JAKMIP1: variants seen among roughly 807,000 people sequenced by gnomAD.
JAKMIP1 encodes janus kinase and microtubule-interacting protein 1.
JAKMIP1 carries 33 observed loss-of-function variants against 113.0 expected under a neutral mutation model. That is an observed-to-expected ratio of 0.29 (90% CI 0.22 to 0.39). JAKMIP1 has a LOEUF of 0.39. Ranked by LOEUF, JAKMIP1 falls within the 10% of genes least tolerant of loss-of-function variation. JAKMIP1 has a pLI of 1.00. For missense variants in JAKMIP1, 813 were observed against 1,080.5 expected (o/e 0.75, Z 3.47); for synonymous variants, 480 against 459.9 (o/e 1.04, Z -0.56).
At position 6,060,102 on chromosome 4, in the gene JAKMIP1, G is replaced by A. The variant is rs931683338; in HGVS notation, c.1644+322C>T. 3.9e-5 allele frequency among the ~76,000 whole-genome samples: 6 copies of A among 152,312 alleles called. No homozygotes were observed. The South Asian group carries it at 1.0e-3, about 26-fold the overall frequency. On this transcript the variant is annotated intron_variant, in intron 11 of 20. Transcript: ENST00000409021. ...ATTAAAATCTTGATAGAAAATGACA[G>A]CTCTTCTTCAGGTTCAAGTCAAAAA... is the stretch of plus-strand genomic sequence containing the variant.
At chr4:6,172,970 C>A (rs1034537613) in intron 1 of JAKMIP1, among the ~76,000 whole-genome samples, 3 of 152,150 alleles carry the variant, frequency 2.0e-5, no homozygotes, top group Non-Finnish European at 4.4e-5. Flanking sequence ...GAGCTGAGAG[C>A]CTGGGGGCTT....
chr4:6,172,542 C>A (rs549425163), intron 1 of JAKMIP1, among the ~76,000 whole-genome samples: 1 of 151,982 alleles, frequency 6.6e-6, no homozygotes, highest in African/African-American at 2.4e-5. Flanking sequence ...CTGGCCCCAA[C>A]TTTAGGTAGC....
Position 6,162,036 on chromosome 4 carries a change from A to G in JAKMIP1, c.-148+38217T>C, listed in dbSNP as rs541704334. On this transcript the variant is annotated intron_variant, in intron 1 of 20. Coordinates refer to ENST00000409021, the MANE Select transcript of JAKMIP1 (RefSeq NM_001099433.2). This position sits in a 1 kb window ranked among gnomAD's most constrained non-coding sequence, Gnocchi z 5.6. ...ACATGGTGCCTCCTTGATGGAGCCGAGCAGGAAGGAAAGGGGTGGATTGCA... is the reference window on the plus strand; with the variant it reads ...ACATGGTGCCTCCTTGATGGAGCCGGGCAGGAAGGAAAGGGGTGGATTGCA... Among the ~76,000 whole-genome samples the G allele has an allele frequency of 1.3e-5, 2 of 152,160 alleles. No individual in the cohort carries two copies. Among genetic ancestry groups the G allele is most frequent in the East Asian group, 1.9e-4 (1 of 5,160 alleles).
At chr4:6,177,358 C>T (rs75197730) in intron 1 of JAKMIP1, among the ~76,000 whole-genome samples, 1,875 of 152,222 alleles carry the variant, frequency 0.012, 17 homozygotes, top group Non-Finnish European at 0.02. Context: ...TGAACCCAGC[C>T]CCTTTACTCC....
chr4:6,078,383 G>T (rs1719992192), intron 8 of JAKMIP1, among the ~76,000 whole-genome samples: 2 of 148,120 alleles, frequency 1.4e-5, no homozygotes, highest in Non-Finnish European at 1.5e-5. Context: ...TAGGTTTACA[G>T]GTTTAAAGGC....
At chr4:6,063,475 T>A (rs1032499282) in intron 9 of JAKMIP1, among the ~76,000 whole-genome samples, 2 of 152,242 alleles carry the variant, frequency 1.3e-5, no homozygotes, top group Non-Finnish European at 2.9e-5. Flanking sequence ...GCTGATGGAC[T>A]GTTGTGTGCC....
In JAKMIP1 at chr4:6,081,732, C is replaced by T. The variant is rs779375501; in HGVS notation, c.978G>A (p.Glu326=). The change falls in exon 6 of 21, where the codon GAG becomes GAA. Residue 326 remains glutamate, a synonymous_variant. Coordinates refer to ENST00000409021, the MANE Select transcript of JAKMIP1 (RefSeq NM_001099433.2). The surrounding 1 kb of genome is among the most constrained non-coding windows in gnomAD (Gnocchi z 4.6). ...TCTCCACCAGGGGCTTCAGCTGAAC[C>T]TCGGTCTCTCGTGAGCGTTTCAGCT... ...NELLKRSRET[E]VQLKPLVEKN... The T allele has an allele frequency of 1.1e-5, 17 of 1,614,056 alleles. No homozygotes were observed. The South Asian group carries it at 1.5e-4, about 15-fold the overall frequency.
intron 3 of JAKMIP1, among the ~76,000 whole-genome samples, chr4:6,095,177 AAAGG>A: frequency 6.7e-6 from 1 of 150,336 alleles, no homozygotes; most frequent in East Asian, 2.0e-4. Flanking sequence ...GAAGGGAAGG[AAAGG>A]AAGAAGAAAG....
intron 1 of JAKMIP1, among the ~76,000 whole-genome samples, chr4:6,147,761 C>T (rs1175111441): frequency 6.6e-6 from 1 of 152,280 alleles, no homozygotes; most frequent in Non-Finnish European, 1.5e-5. Context: ...TGCACACTCT[C>T]TCCTCAGCTC....
chr4:6,107,497 T>G (rs947980380), intron 2 of JAKMIP1, among the ~76,000 whole-genome samples: 3 of 152,188 alleles, frequency 2.0e-5, no homozygotes, highest in Admixed American at 6.5e-5. Flanking sequence ...TTTACATCAG[T>G]AGACTCTGGG....
At chr4:6,071,643 G>A (rs1347534109) in intron 8 of JAKMIP1, among the ~76,000 whole-genome samples, 4 of 152,244 alleles carry the variant, frequency 2.6e-5, no homozygotes. Context: ...CCCTGGACAA[G>A]GTACCCAGTC....
In JAKMIP1 at chr4:6,188,022, T is replaced by G. The variant is rs754141588; in HGVS notation, c.-148+12231A>C. Among the ~76,000 whole-genome samples the G allele has an allele frequency of 6.6e-6, 1 of 152,242 alleles. No homozygotes were observed. Among genetic ancestry groups the G allele is most frequent in the Admixed American group, 6.5e-5 (1 of 15,284 alleles). ...AAGAGGTATTTCTTTTAAATGTAGA[T>G]AGCAGAATTACCTTTCTGACAATGT... is the stretch of plus-strand genomic sequence containing the variant. On this transcript the variant is annotated intron_variant, in intron 1 of 20. Coordinates refer to ENST00000409021, the MANE Select transcript of JAKMIP1 (RefSeq NM_001099433.2). The surrounding 1 kb of genome is among the most constrained non-coding windows in gnomAD (Gnocchi z 5.8).
chr4:6,060,274 G>T, intron 11 of JAKMIP1, 150 bp downstream of exon 11: 1 of 678,120 alleles, frequency 1.5e-6, no homozygotes, highest in African/African-American at 1.8e-5. Context: ...ATTCGTGCCT[G>T]GGTTCTGCTA....
intron 1 of JAKMIP1, among the ~76,000 whole-genome samples, chr4:6,161,955 G>C (rs1400998368): frequency 6.6e-6 from 1 of 152,184 alleles, no homozygotes; most frequent in Non-Finnish European, 1.5e-5. Context: ...CTGAACATGG[G>C]TTCAAGGAAT....
rs1726375144 is a variant in JAKMIP1, at chr4:6,184,204, A to G, written c.-148+16049T>C. ...GGGAAAACAAACCCAAAGAGAGGTG[A>G]GTGTATCACACTGTCCTGTGAGTAT... is the stretch of plus-strand genomic sequence containing the variant. On this transcript the variant is annotated intron_variant, in intron 1 of 20. Coordinates refer to ENST00000409021, the MANE Select transcript of JAKMIP1 (RefSeq NM_001099433.2). This position sits in a 1 kb window ranked among gnomAD's most constrained non-coding sequence, Gnocchi z 4.5. Among the ~76,000 whole-genome samples the G allele has an allele frequency of 6.6e-6, 1 of 152,202 alleles. No homozygotes were observed. The highest frequency in any genetic ancestry group is 1.5e-5 in the Non-Finnish European group (1 of 68,048).
chr4:6,078,016 C>T (rs1457998717), intron 8 of JAKMIP1, among the ~76,000 whole-genome samples: 1 of 152,166 alleles, frequency 6.6e-6, no homozygotes, highest in South Asian at 2.1e-4. Flanking sequence ...CACATTTGCA[C>T]AGCTGTTTCC....
rs1560105029 is a variant in JAKMIP1, at chr4:6,044,511, C to G, written c.2029-2284G>C. ...CCAGCCGCGGTGGCCAGCACTTCCTCAAACAAGGCTCAGACAAGATGCGTG... is the reference window on the plus strand; with the variant it reads ...CCAGCCGCGGTGGCCAGCACTTCCTGAAACAAGGCTCAGACAAGATGCGTG... On this transcript the variant is annotated intron_variant, in intron 16 of 20. Coordinates refer to ENST00000409021, the MANE Select transcript of JAKMIP1 (RefSeq NM_001099433.2). The surrounding 1 kb of genome is among the most constrained non-coding windows in gnomAD (Gnocchi z 4.4). Among the ~76,000 whole-genome samples, 3 of 152,084 alleles carry G rather than the reference C, an allele frequency of 2.0e-5. No individual in the cohort carries two copies.
At chr4:6,055,111 C>A (rs975420814) in intron 12 of JAKMIP1, among the ~76,000 whole-genome samples, 2 of 152,172 alleles carry the variant, frequency 1.3e-5, no homozygotes, top group Non-Finnish European at 2.9e-5. Context: ...CCAAGGACCC[C>A]CACCAGGGCC....
Position 6,093,350 on chromosome 4 carries a change from G to A in JAKMIP1, c.625-7721C>T, listed in dbSNP as rs959255267. Among the ~76,000 whole-genome samples the A allele has an allele frequency of 6.6e-6, 1 of 152,184 alleles. No individual in the cohort carries two copies. Among genetic ancestry groups the A allele is most frequent in the Non-Finnish European group, 1.5e-5 (1 of 68,044 alleles). On this transcript the variant is annotated intron_variant, in intron 3 of 20. Transcript: ENST00000409021. This position sits in a 1 kb window ranked among gnomAD's most constrained non-coding sequence, Gnocchi z 4.6. ...GTGTCTTATTTTTCTCTATAACTCA[G>A]TAAATAAATATTCAACTGAGGGGGA...
Sources: gnomAD v4.1 joint callset for allele counts (sites outside exome capture counted in the v4.1 genomes callset) on GRCh38, gnomAD v4.1.1 for gene constraint, Gnocchi (gnomAD v3.1) non-coding constraint, MANE v1.5 for transcripts, NCBI Gene and HGNC (gene_info 2026-07-23, HGNC 2026-07-21) for gene names.